The following ETF1 variants were observed in gnomAD, a reference collection of about 807,000 sequenced individuals.
ETF1 encodes the protein eukaryotic translation termination factor 1.
ETF1 carries 4 observed loss-of-function variants against 55.1 expected under a neutral mutation model. The observed-to-expected ratio is 0.07, with a 90% CI of 0.04 to 0.17. The LOEUF is 0.17. ETF1 is among the 10% of genes least tolerant of loss of function. The probability of loss-of-function intolerance (pLI) is 1.00; values close to 1 mark genes in which losing one functional copy is unlikely to be tolerated. For missense variants in ETF1, 142 were observed against 523.6 expected (o/e 0.27, Z 7.11); for synonymous variants, 157 against 182.3 (o/e 0.86, Z 1.12).
Position 138,510,546 on chromosome 5 carries a change from C to T in ETF1, c.1083+19G>A, listed in dbSNP as rs758215436. On this transcript the variant is annotated intron_variant, in intron 9 of 10. Transcript: ENST00000360541. Reference sequence around the variant, plus strand: ...TTTACGCTTGCACGTATCATCAAACCAAGAAAATAATCACATACCTCTTTG... The same window carrying T: ...TTTACGCTTGCACGTATCATCAAACTAAGAAAATAATCACATACCTCTTTG... The T allele has an allele frequency of 6.3e-7, 1 of 1,590,488 alleles. No homozygotes were observed. The highest frequency in any genetic ancestry group is 8.6e-7 in the Non-Finnish European group (1 of 1,158,720).
rs770895526 is a variant in ETF1 at position 138,523,695 on chromosome 5, ACT to A, written c.87-4830_87-4829del. ...CAGGGATTTTTAGGTTGATGGAAAT[ACT>A]GTTTTTCTTTTTTTAAGGAAAATAT... On this transcript the variant is annotated intron_variant, in intron 2 of 10. Coordinates refer to ENST00000360541, the MANE Select transcript of ETF1 (RefSeq NM_004730.4). 1.6e-4 allele frequency among the ~76,000 whole-genome samples: 24 copies of A among 152,296 alleles called. No homozygotes were observed. In the East Asian group the frequency reaches 1.7e-3, roughly 11 times the overall value.
chr5:138,540,266 T>TA (rs1414386323), intron 2 of ETF1, among the ~76,000 whole-genome samples: 1 of 152,172 alleles, frequency 6.6e-6, no homozygotes, highest in Non-Finnish European at 1.5e-5. Flanking sequence ...ACAATACTGT[T>TA]ACTCAACCAC....
chr5:138,521,318 C>T (rs916052607), intron 2 of ETF1, among the ~76,000 whole-genome samples: 2 of 152,092 alleles, frequency 1.3e-5, no homozygotes, highest in African/African-American at 4.8e-5. Context: ...TTGCCAGCAA[C>T]TGGAGTAAGG....
chr5:138,525,717 G>T (rs1445321390), intron 2 of ETF1, among the ~76,000 whole-genome samples: 2 of 151,818 alleles, frequency 1.3e-5, no homozygotes, highest in African/African-American at 4.8e-5. Flanking sequence ...AGGCCGAGGC[G>T]GGTGGATCAC....
intron 2 of ETF1, among the ~76,000 whole-genome samples, chr5:138,523,172 T>G (rs993131107): frequency 1.3e-5 from 2 of 151,802 alleles, no homozygotes; most frequent in Non-Finnish European, 2.9e-5. Context: ...ACCGAGACCA[T>G]CCTGACCAAC....
At chr5:138,510,099 T>A (rs1764708115) in intron 9 of ETF1, among the ~76,000 whole-genome samples, 1 of 150,594 alleles carries the variant, frequency 6.6e-6, no homozygotes, top group African/African-American at 2.4e-5. Context: ...GGCTCACACC[T>A]GTAATCCCAC....
chr5:138,535,335 T>C (rs1481611893), intron 2 of ETF1, among the ~76,000 whole-genome samples: 1 of 124,976 alleles, frequency 8.0e-6, no homozygotes, highest in South Asian at 3.1e-4. Flanking sequence ...GATGAATAAT[T>C]GGCTTTTTTT....
chr5:138,517,492 G>T, intron 4 of ETF1, 69 bp downstream of exon 4: 1 of 877,500 alleles, frequency 1.1e-6, no homozygotes, highest in South Asian at 2.5e-5. Context: ...AGGGATGGGG[G>T]ACTGACTGCT....
At chr5:138,540,588 A>G (rs1170223867) in intron 2 of ETF1, among the ~76,000 whole-genome samples, 1 of 152,192 alleles carries the variant, frequency 6.6e-6, no homozygotes, top group Non-Finnish European at 1.5e-5. Flanking sequence ...AGAGATGGCC[A>G]AGATTTTAAA....
intron 4 of ETF1, among the ~76,000 whole-genome samples, chr5:138,515,980 T>C (rs1168328868): frequency 4.6e-5 from 7 of 152,108 alleles, no homozygotes. Flanking sequence ...ACTGTAGAGG[T>C]TTTTCCCTAG....
chr5:138,541,713 C>G (rs1487614960), intron 2 of ETF1: 1 of 1,345,302 alleles, frequency 7.4e-7, no homozygotes, highest in African/African-American at 1.5e-5. Context: ...TTCTACTATT[C>G]TAAGAATGCT....
At chr5:138,539,642 G>C (rs1209004621) in intron 2 of ETF1, among the ~76,000 whole-genome samples, 1 of 151,948 alleles carries the variant, frequency 6.6e-6, no homozygotes, top group African/African-American at 2.4e-5. Context: ...GTTTATGTGT[G>C]ACACTCCTTT....
intron 2 of ETF1, among the ~76,000 whole-genome samples, chr5:138,521,018 G>A (rs754399228): frequency 1.3e-5 from 2 of 151,978 alleles, no homozygotes; most frequent in South Asian, 2.1e-4. Flanking sequence ...GAGTGAGAGC[G>A]GGGACTTACA....
chr5:138,515,816 A>G (rs1458060903), intron 4 of ETF1, among the ~76,000 whole-genome samples: 2 of 152,224 alleles, frequency 1.3e-5, no homozygotes, highest in African/African-American at 4.8e-5. Context: ...AGGCTCCCTG[A>G]AAAACCCTCT....
chr5:138,542,674 C>T, intron 2 of ETF1, 159 bp downstream of exon 2: 1 of 1,443,868 alleles, frequency 6.9e-7, no homozygotes, highest in South Asian at 1.4e-5. Flanking sequence ...CCAACCGCGC[C>T]GACCCTCGCC....
chr5:138,541,850 C>T (rs1580730015), intron 2 of ETF1: 1 of 322,012 alleles, frequency 3.1e-6, no homozygotes, highest in East Asian at 5.7e-5. Context: ...CAGGAATACC[C>T]CTGGCACACC....
chr5:138,532,654 TTGTAGCAGA>T (rs1374984578), intron 2 of ETF1, among the ~76,000 whole-genome samples: 1 of 152,204 alleles, frequency 6.6e-6, no homozygotes, highest in Non-Finnish European at 1.5e-5. Context: ...AGCTGATTTT[TTGTAGCAGA>T]TGATGGTCAC....
At chr5:138,510,357 C>CAAAAAAAAAAAAAAAAA (rs57906231) in intron 9 of ETF1, among the ~76,000 whole-genome samples, 2 of 64,802 alleles carry the variant, frequency 3.1e-5, no homozygotes, top group African/African-American at 1.2e-4. Flanking sequence ...GACCTTGTCT[C>CAAAAAAAAAAAAAAAAA]AAAAAAAAAA....
intron 2 of ETF1, among the ~76,000 whole-genome samples, chr5:138,523,463 GGT>G (rs1400452001): frequency 6.6e-6 from 1 of 152,222 alleles, no homozygotes; most frequent in East Asian, 1.9e-4. Context: ...GAACCCGGGA[GGT>G]GGGGGATGCA....
Sources: gnomAD v4.1 joint callset for allele counts (sites outside exome capture counted in the v4.1 genomes callset) on GRCh38, gnomAD v4.1.1 for gene constraint, MANE v1.5 for transcripts, NCBI Gene and HGNC (gene_info 2026-07-23, HGNC 2026-07-21) for gene names.